The following CCT5 variants were observed in gnomAD, a reference collection of about 807,000 sequenced individuals.
CCT5 encodes the protein T-complex protein 1 subunit epsilon.
Under a neutral mutation model 55.0 loss-of-function variants are expected in CCT5, and 6 were observed. The observed-to-expected ratio is 0.11, with a 90% CI of 0.06 to 0.22. The LOEUF (loss-of-function observed/expected upper bound fraction) is 0.22. Among genes scored for constraint, CCT5 ranks in the 10% least tolerant of loss-of-function variants. CCT5 has a pLI of 1.00. For missense variants in CCT5, 560 were observed against 694.6 expected (o/e 0.81, Z 2.18); for synonymous variants, 231 against 243.7 (o/e 0.95, Z 0.49).
At chr5:10,250,672 C>T (rs1745342676) in intron 1 of CCT5, 14 of 1,403,310 alleles carry the variant, frequency 1.0e-5, no homozygotes, top group Non-Finnish European at 1.3e-5. Flanking sequence ...GGGCCGCCAG[C>T]GCCCTTCGGA....
Position 10,264,789 on chromosome 5 carries a change from T to C in CCT5, c.*6T>C. ...CTGGAGAATCTGAAGAATGAAGACA[T>C]TGAGAAAACTATGTAGCAAGATCCA... On this transcript the variant is annotated 3_prime_UTR_variant, in exon 11 of 11. Transcript: ENST00000280326. 2.5e-6 allele frequency: 4 copies of C among 1,611,222 alleles called. No homozygotes were observed. Among genetic ancestry groups the C allele is most frequent in the East Asian group, 4.5e-5 (2 of 44,820 alleles).
chr5:10,256,682 G>C (rs993433098), intron 4 of CCT5, among the ~76,000 whole-genome samples: 3 of 72,700 alleles, frequency 4.1e-5, no homozygotes. Context: ...GCGAGACCCT[G>C]TCTCAAAAAA....
Position 10,261,584 on chromosome 5 carries a change from C to T in CCT5, c.1018C>T (p.Arg340Trp), listed in dbSNP as rs998269335. The change falls in exon 8 of 11, where the codon CGG becomes TGG. Residue 340 changes from arginine (R) to tryptophan (W), a missense_variant. This residue lies in a region of CCT5 where 256 missense variants were observed against 372.4 expected (regional missense o/e 0.69). Coordinates refer to ENST00000280326, the MANE Select transcript of CCT5 (RefSeq NM_012073.5). ...IELIAIATGG[R>W]IVPRFSELTA... is the part of the protein sequence containing the mutation. ...GCTGATTGCCATCGCAACAGGAGGG[C>T]GGATCGTCCCCAGGTTCTCAGAGCT... 3.7e-6 allele frequency: 6 copies of T among 1,614,028 alleles called. No individual in the cohort carries two copies. The highest frequency in any genetic ancestry group is 1.3e-5 in the African/African-American group (1 of 74,912).
intron 7 of CCT5, 77 bp downstream of exon 7, chr5:10,260,988 C>T (rs538489811): frequency 7.0e-7 from 1 of 1,433,122 alleles, no homozygotes; most frequent in South Asian, 1.1e-5. Context: ...GATAGCCCTG[C>T]CTTAAATAAC....
At position 10,264,814 on chromosome 5, in the gene CCT5, A is replaced by T. The variant is rs1015140525; in HGVS notation, c.*31A>T. ...TTGAGAAAACTATGTAGCAAGATCCACTTCTGTGATTAAGTAAATGGATGT... is the reference window on the plus strand; with the variant it reads ...TTGAGAAAACTATGTAGCAAGATCCTCTTCTGTGATTAAGTAAATGGATGT... On this transcript the variant is annotated 3_prime_UTR_variant, in exon 11 of 11. Coordinates refer to ENST00000280326, the MANE Select transcript of CCT5 (RefSeq NM_012073.5). The T allele has an allele frequency of 1.2e-6, 2 of 1,610,890 alleles. No homozygotes were observed. The highest frequency in any genetic ancestry group is 8.5e-7 in the Non-Finnish European group (1 of 1,177,190).
intron 1 of CCT5, among the ~76,000 whole-genome samples, chr5:10,251,655 C>T (rs386469040): frequency 4.1e-4 from 62 of 152,182 alleles, no homozygotes; most frequent in Middle Eastern, 6.8e-3. Flanking sequence ...GATAGGCCTC[C>T]GTCAAGCTGA....
rs766124147 is a variant in CCT5 at position 10,264,923 on chromosome 5, C to G, written c.*140C>G. The G allele has an allele frequency of 8.3e-5, 91 of 1,097,590 alleles. 1 individual carries two copies. Among genetic ancestry groups the G allele is most frequent in the Non-Finnish European group, 4.4e-5 (33 of 752,130 alleles). 68.0% of individuals were successfully genotyped at this position (1,097,590 alleles called of 1,614,324 possible). On this transcript the variant is annotated 3_prime_UTR_variant, in exon 11 of 11. Coordinates refer to ENST00000280326, the MANE Select transcript of CCT5 (RefSeq NM_012073.5). ...ATAATAAAAATAGCTGTTTGGTAACCATAGTTTCACTTGTTCAAAGCTGTG... is the reference window on the plus strand; with the variant it reads ...ATAATAAAAATAGCTGTTTGGTAACGATAGTTTCACTTGTTCAAAGCTGTG...
intron 6 of CCT5, among the ~76,000 whole-genome samples, chr5:10,259,362 A>T (rs1292990302): frequency 6.6e-6 from 1 of 152,196 alleles, no homozygotes; most frequent in Non-Finnish European, 1.5e-5. Context: ...TATCATAGCA[A>T]ACCAACTAGA....
chr5:10,264,045 G>C (rs1400341653), intron 10 of CCT5, among the ~76,000 whole-genome samples: 3 of 152,182 alleles, frequency 2.0e-5, no homozygotes, highest in African/African-American at 2.4e-5. Context: ...GGCCAAGCCG[G>C]GTGGATCACC....
rs777140569 is a variant in CCT5, at chr5:10,263,228, T to C, written c.1412T>C (p.Ile471Thr). The change falls in exon 10 of 11, where the codon ATC becomes ACC. Residue 471 changes from isoleucine (I) to threonine (T), a missense_variant. Coordinates refer to ENST00000280326, the MANE Select transcript of CCT5 (RefSeq NM_012073.5). Reference protein sequence around the residue: ...ALSENSGMNPIQTMTEVRARQ... With the variant: ...ALSENSGMNPTQTMTEVRARQ... Reference sequence around the variant, plus strand: ...TCTGAAAACAGTGGCATGAATCCCATCCAGACTATGACCGAAGTCCGAGCC... The same window carrying C: ...TCTGAAAACAGTGGCATGAATCCCACCCAGACTATGACCGAAGTCCGAGCC... 5 of 1,614,142 alleles carry C rather than the reference T, an allele frequency of 3.1e-6. No homozygotes were observed. Among genetic ancestry groups the C allele is most frequent in the Non-Finnish European group, 4.2e-6 (5 of 1,180,030 alleles).
At position 10,258,400 on chromosome 5, in the gene CCT5, G is replaced by A. The variant is rs11557649; in HGVS notation, c.738G>A (p.Ala246=). 52,234 of 1,614,096 alleles carry A rather than the reference G, an allele frequency of 0.032. 1,000 individuals carry two copies. The highest frequency in any genetic ancestry group is 0.036 in the Non-Finnish European group (42,918 of 1,179,974). The change falls in exon 6 of 11, where the codon GCG becomes GCA. Residue 246 remains alanine, a synonymous_variant. Coordinates refer to ENST00000280326, the MANE Select transcript of CCT5 (RefSeq NM_012073.5). ...TTCCCCCATAGAAAGTGGAAGATGCGAAGATTGCAATTCTCACATGTCCAT... is the reference window on the plus strand; with the variant it reads ...TTCCCCCATAGAAAGTGGAAGATGCAAAGATTGCAATTCTCACATGTCCAT... The part of the protein sequence containing the change: ...HPQMPKKVED[A]KIAILTCPFE...
At chr5:10,250,277 A>G (rs778326143), upstream of CCT5, 6 of 1,611,022 alleles carry the variant, frequency 3.7e-6, 1 homozygote, top group South Asian at 4.4e-5. Context: ...GAGAAAGGGA[A>G]GTGCATTCTC....
intron 1 of CCT5, 76 bp downstream of exon 1, chr5:10,250,521 G>A (rs372504888): frequency 1.9e-6 from 3 of 1,585,130 alleles, no homozygotes; most frequent in Non-Finnish European, 2.6e-6. Context: ...TGCGCGAGTT[G>A]AGGAGCGGCT....
intron 7 of CCT5, 112 bp downstream of exon 7, chr5:10,261,023 G>A: frequency 9.1e-7 from 1 of 1,101,538 alleles, no homozygotes; most frequent in Non-Finnish European, 1.4e-6. Flanking sequence ...GCTGGCAGAT[G>A]AGGGGAGGGT....
At position 10,258,100 on chromosome 5, in the gene CCT5, GT is replaced by G. The variant is rs1745773522; in HGVS notation, c.531-7del. 1.2e-6 allele frequency: 2 copies of G among 1,613,986 alleles called. No individual in the cohort carries two copies. Among genetic ancestry groups the G allele is most frequent in the Admixed American group, 1.7e-5 (1 of 60,004 alleles). ...AAACCAATGAAGTTTGTTTTGTGGT[GT>G]TTTCCTCAGGGTCAACAGTTGTCAC... On this transcript the variant is annotated splice_polypyrimidine_tract_variant and intron_variant, in intron 4 of 10. Transcript: ENST00000280326.
chr5:10,258,926 G>A (rs1745815863), intron 6 of CCT5, among the ~76,000 whole-genome samples: 1 of 152,232 alleles, frequency 6.6e-6, no homozygotes. Context: ...CCAGGAGGCA[G>A]AGGTTGCAGT....
intron 1 of CCT5, 85 bp downstream of exon 1, chr5:10,250,530 C>G: frequency 1.9e-6 from 3 of 1,572,940 alleles, no homozygotes; most frequent in African/African-American, 2.7e-5. Context: ...TGAGGAGCGG[C>G]TCTGCCATGT....
At chr5:10,256,229 A>G in intron 4 of CCT5, 76 bp downstream of exon 4, 1 of 1,205,278 alleles carries the variant, frequency 8.3e-7, no homozygotes, top group Non-Finnish European at 1.2e-6. Flanking sequence ...AGGCAACACA[A>G]AATGACCACT....
Position 10,250,348 on chromosome 5 carries a change from C to G in CCT5, c.8C>G (p.Ser3Cys). MA[S>C]MGTLAFDEYG... ...AATTCCGGTTGTTGCACCATGGCGTCCATGGGGACCCTCGCCTTCGATGAA... is the reference window on the plus strand; with the variant it reads ...AATTCCGGTTGTTGCACCATGGCGTGCATGGGGACCCTCGCCTTCGATGAA... The change falls in exon 1 of 11, where the codon TCC becomes TGC. Residue 3 changes from serine (S) to cysteine (C), a missense_variant. By Grantham distance (112) the Ser-to-Cys change is moderately radical. This residue lies in a region of CCT5 where 137 missense variants were observed against 181.9 expected (regional missense o/e 0.75). Coordinates refer to ENST00000280326, the MANE Select transcript of CCT5 (RefSeq NM_012073.5). 6.2e-7 allele frequency: 1 copy of G among 1,614,080 alleles called. No individual in the cohort carries two copies. Among genetic ancestry groups the G allele is most frequent in the African/African-American group, 1.3e-5 (1 of 75,062 alleles).
Sources: allele counts gnomAD v4.1 joint callset (sites outside exome capture counted in the v4.1 genomes callset), GRCh38; gene constraint gnomAD v4.1.1; regional missense constraint gnomAD v4.1.1; transcripts MANE v1.5; gene names NCBI Gene and HGNC (gene_info 2026-07-23, HGNC 2026-07-21).